IGF1: variants seen among roughly 807,000 people sequenced by gnomAD.
IGF1 encodes the protein insulin-like growth factor 1.
In IGF1, 4 loss-of-function variants were observed where a neutral mutation model predicts 13.8. That is an observed-to-expected ratio of 0.29 (90% CI 0.14 to 0.66). The LOEUF (loss-of-function observed/expected upper bound fraction) is 0.66. Ranked by LOEUF, IGF1 falls within the 30% of genes least tolerant of loss-of-function variation. IGF1 has a pLI of 0.78. For synonymous variants in IGF1, 76 were observed against 72.6 expected (o/e 1.05, Z -0.23); for missense variants, 124 against 188.5 (o/e 0.66, Z 2.00).
chr12:102,480,167 A>G, intron 1 of IGF1, 152 bp downstream of exon 1: 1 of 730,848 alleles, frequency 1.4e-6, no homozygotes, highest in Non-Finnish European at 2.3e-6. Flanking sequence ...TATTTTTCAG[A>G]TTCCACAGAA....
chr12:102,446,105 G>T (rs1878301520), intron 2 of IGF1, among the ~76,000 whole-genome samples: 1 of 152,164 alleles, frequency 6.6e-6, no homozygotes, highest in Non-Finnish European at 1.5e-5. Flanking sequence ...TTTTTGATGT[G>T]CTGCTGGATT....
intron 2 of IGF1, among the ~76,000 whole-genome samples, chr12:102,459,436 C>T (rs544046687): frequency 2.6e-5 from 4 of 151,622 alleles, no homozygotes; most frequent in East Asian, 3.9e-4. Flanking sequence ...TTTTGGTGGG[C>T]GATGAGGAGG....
At chr12:102,477,892 AC>A (rs1881159430) in intron 1 of IGF1, among the ~76,000 whole-genome samples, 1 of 152,136 alleles carries the variant, frequency 6.6e-6, no homozygotes, top group African/African-American at 2.4e-5. Context: ...AGATGTCAAA[AC>A]TATATTTTTA....
At chr12:102,446,845 C>G (rs1368723869) in intron 2 of IGF1, among the ~76,000 whole-genome samples, 1 of 152,184 alleles carries the variant, frequency 6.6e-6, no homozygotes, top group African/African-American at 2.4e-5. Flanking sequence ...TTCCCACTTT[C>G]TCCTGTGGGC....
At chr12:102,432,937 T>C (rs1385697804) in intron 2 of IGF1, among the ~76,000 whole-genome samples, 1 of 152,190 alleles carries the variant, frequency 6.6e-6, no homozygotes, top group Non-Finnish European at 1.5e-5. Context: ...CAAGTACGTA[T>C]GAGGTTTCTT....
intron 3 of IGF1, among the ~76,000 whole-genome samples, chr12:102,411,527 A>G (rs1293326142): frequency 6.6e-6 from 1 of 152,200 alleles, no homozygotes; most frequent in Non-Finnish European, 1.5e-5. Context: ...AACTTTAGCC[A>G]TGGATCCCAG....
intron 2 of IGF1, among the ~76,000 whole-genome samples, chr12:102,473,803 G>A (rs983812187): frequency 6.6e-6 from 1 of 152,162 alleles, no homozygotes; most frequent in African/African-American, 2.4e-5. Context: ...AAGTGTCTGT[G>A]CAAACACTTA....
intron 3 of IGF1, among the ~76,000 whole-genome samples, chr12:102,407,094 CAA>C (rs57468885): frequency 8.9e-5 from 9 of 100,976 alleles, no homozygotes; most frequent in Admixed American, 1.9e-4. Flanking sequence ...ACTCTGTCTC[CAA>C]AAAAAAAAAA....
At chr12:102,436,073 G>T (rs573828826) in intron 2 of IGF1, among the ~76,000 whole-genome samples, 1 of 152,190 alleles carries the variant, frequency 6.6e-6, no homozygotes, top group African/African-American at 2.4e-5. Context: ...CCTAATAAAG[G>T]TATCTATATG....
At chr12:102,407,693 C>G (rs1874292717) in intron 3 of IGF1, among the ~76,000 whole-genome samples, 1 of 152,174 alleles carries the variant, frequency 6.6e-6, no homozygotes, top group Non-Finnish European at 1.5e-5. Flanking sequence ...CATGAGCTGC[C>G]CATGCTTCCA....
In IGF1 at chr12:102,419,656, C is replaced by T. The variant is rs759374406; in HGVS notation, c.255G>A (p.Arg85=). 6.2e-7 allele frequency: 1 copy of T among 1,613,306 alleles called. No individual in the cohort carries two copies. The highest frequency in any genetic ancestry group is 1.7e-5 in the Admixed American group (1 of 60,022). Residue 85 remains arginine (R), a synonymous_variant, in exon 3 of 4, where the codon AGG becomes AGA. Transcript: ENST00000337514. The stretch of plus-strand genomic sequence containing the variant: ...CATCCACGATGCCTGTCTGAGGCGC[C>T]CTCCGACTGCTGGAGCCATACCCTG... The part of the protein sequence containing the change: ...KPTGYGSSSR[R]APQTGIVDEC...
chr12:102,431,058 C>T (rs1876697383), intron 2 of IGF1, among the ~76,000 whole-genome samples: 1 of 152,158 alleles, frequency 6.6e-6, no homozygotes, highest in Non-Finnish European at 1.5e-5. Context: ...GCCTTCTCAT[C>T]TCCCCCATCT....
upstream of IGF1, among the ~76,000 whole-genome samples, chr12:102,481,487 A>G (rs1055641932): frequency 1.3e-5 from 2 of 151,968 alleles, no homozygotes; most frequent in Non-Finnish European, 2.9e-5. Context: ...CTCGAGGGTT[A>G]TGATGTCATT....
At chr12:102,454,904 C>T (rs1254184388) in intron 2 of IGF1, among the ~76,000 whole-genome samples, 1 of 152,170 alleles carries the variant, frequency 6.6e-6, no homozygotes, top group Non-Finnish European at 1.5e-5. Context: ...GCGTTAGTGT[C>T]CACCATTAAT....
intron 2 of IGF1, among the ~76,000 whole-genome samples, chr12:102,437,906 G>T (rs1268349258): frequency 6.6e-6 from 1 of 152,142 alleles, no homozygotes; most frequent in Non-Finnish European, 1.5e-5. Context: ...ATTATTATGT[G>T]TCAATTAAAA....
At chr12:102,418,918 A>C (rs1261979620) in intron 3 of IGF1, among the ~76,000 whole-genome samples, 1 of 152,186 alleles carries the variant, frequency 6.6e-6, no homozygotes, top group Non-Finnish European at 1.5e-5. Context: ...TTTCATGTTT[A>C]ATTATGCTTG....
At chr12:102,446,593 A>T (rs76980767) in intron 2 of IGF1, among the ~76,000 whole-genome samples, 3 of 151,446 alleles carry the variant, frequency 2.0e-5, no homozygotes, top group Non-Finnish European at 2.9e-5. Flanking sequence ...TTTTTATTGC[A>T]TCTATTTGAT....
intron 2 of IGF1, among the ~76,000 whole-genome samples, chr12:102,453,670 C>T (rs965169861): frequency 1.3e-5 from 2 of 152,106 alleles, no homozygotes; most frequent in East Asian, 3.9e-4. Flanking sequence ...TGAGTTTGGC[C>T]TTAAAAGTTA....
At chr12:102,423,265 A>G (rs1875899820) in intron 2 of IGF1, 2 of 148,410 alleles carry the variant, frequency 1.3e-5, no homozygotes, top group Non-Finnish European at 3.0e-5. Flanking sequence ...CTACGAAAAA[A>G]AAAAAAAAAA....
Sources: allele counts gnomAD v4.1 joint callset (sites outside exome capture counted in the v4.1 genomes callset), GRCh38; gene constraint gnomAD v4.1.1; transcripts MANE v1.5; gene names NCBI Gene and HGNC (gene_info 2026-07-23, HGNC 2026-07-21).